Variants in ZCCHC4 observed in about 807,000 individuals in gnomAD.
ZCCHC4 encodes the protein rRNA N(6)-adenosine-methyltransferase ZCCHC4.
A neutral mutation model predicts 67.7 loss-of-function variants in ZCCHC4; 54 were observed. The ratio of observed to expected loss-of-function variants is 0.80; its 90% CI spans 0.64 to 1.00. The LOEUF (loss-of-function observed/expected upper bound fraction) is 1.00, where lower values mean the gene tolerates loss of function less well. Ranked by LOEUF, ZCCHC4 falls within the 50% of genes least tolerant of loss-of-function variation. The pLI is 0.00. For synonymous variants in ZCCHC4, 198 were observed against 213.5 expected (o/e 0.93, Z 0.63); for missense variants, 609 against 617.0 (o/e 0.99, Z 0.14).
At chr4:25,341,338 G>T (rs1315725955) in intron 5 of ZCCHC4, among the ~76,000 whole-genome samples, 2 of 152,162 alleles carry the variant, frequency 1.3e-5, no homozygotes, top group East Asian at 1.9e-4. Flanking sequence ...GAATCATGGG[G>T]TTGATTCCCC....
chr4:25,322,627 C>T (rs993403061), intron 3 of ZCCHC4, among the ~76,000 whole-genome samples: 1 of 152,068 alleles, frequency 6.6e-6, no homozygotes, highest in South Asian at 2.1e-4. Context: ...AAGAGATTCT[C>T]GTGTCTCAGC....
At chr4:25,338,246 A>T (rs917856725) in intron 5 of ZCCHC4, among the ~76,000 whole-genome samples, 4 of 152,134 alleles carry the variant, frequency 2.6e-5, no homozygotes, top group African/African-American at 7.2e-5. Flanking sequence ...GGCGTGTGCC[A>T]CCACACCCAG....
At position 25,369,415 on chromosome 4, in the gene ZCCHC4, A is replaced by G; in HGVS notation, c.*251A>G. 2.2e-6 allele frequency: 1 copy of G among 455,682 alleles called. No homozygotes were observed. 28.2% of individuals were successfully genotyped at this position (455,682 alleles called of 1,614,324 possible). On this transcript the variant is annotated 3_prime_UTR_variant, in exon 13 of 13. Transcript: ENST00000302874. ...TTTTTCCTCACTTTAAGTCTCTCCC[A>G]GTCACATTGTTCTATTTTTATGTTT...
At chr4:25,356,345 T>C (rs1036341451) in intron 8 of ZCCHC4, among the ~76,000 whole-genome samples, 1 of 152,240 alleles carries the variant, frequency 6.6e-6, no homozygotes, top group African/African-American at 2.4e-5. Flanking sequence ...TTTGTGTGGC[T>C]GAAGCTATGA....
chr4:25,369,183 A>T lies in ZCCHC4; in HGVS notation c.*19A>T. 1 of 1,605,050 alleles carries T rather than the reference A, an allele frequency of 6.2e-7. No individual in the cohort carries two copies. Among genetic ancestry groups the T allele is most frequent in the Non-Finnish European group, 8.5e-7 (1 of 1,178,116 alleles). On this transcript the variant is annotated 3_prime_UTR_variant, in exon 13 of 13. Coordinates refer to ENST00000302874, the MANE Select transcript of ZCCHC4 (RefSeq NM_024936.3). ...CTCTTAAATGTCCAGTGACTGGAGA[A>T]TAAGAAAGATTTATGGTCCAACCTT...
intron 8 of ZCCHC4, 64 bp downstream of exon 8, chr4:25,351,753 A>T: frequency 7.5e-7 from 1 of 1,325,568 alleles, no homozygotes; most frequent in Non-Finnish European, 1.1e-6. Flanking sequence ...AATAGATATA[A>T]GACTATTCAT....
chr4:25,345,632 G>A lies in ZCCHC4; in HGVS notation c.759+12G>A, dbSNP rs763563455. The A allele has an allele frequency of 2.6e-6, 4 of 1,520,796 alleles. No individual in the cohort carries two copies. In the Admixed American group the frequency reaches 7.1e-5, roughly 27 times the overall value. 94.2% of individuals were successfully genotyped at this position (1,520,796 alleles called of 1,614,324 possible). On this transcript the variant is annotated intron_variant, in intron 6 of 12. Transcript: ENST00000302874. The stretch of plus-strand genomic sequence containing the variant: ...TCTTTGATGGAAAGGTAAGAGCTGT[G>A]ACCATTATCTCATTGTTCTCTTATT...
In ZCCHC4 at chr4:25,315,712, G is replaced by GT. The variant is rs3067788; in HGVS notation, c.329+329dup. Among the ~76,000 whole-genome samples the GT allele has an allele frequency of 2.2e-3, 285 of 131,952 alleles. 2 individuals carry two copies. The highest frequency in any genetic ancestry group is 4.1e-3 in the East Asian group (19 of 4,664). The allele number at this position is 131,952 out of a possible 152,430, so 86.6% of individuals were successfully genotyped here. The stretch of plus-strand genomic sequence containing the variant: ...AGTAACCTCTGATTTATTTTTGTGT[G>GT]TTTTTTTTTTTTTTTTTGAGACAGG... On this transcript the variant is annotated intron_variant, in intron 3 of 12. Coordinates refer to ENST00000302874, the MANE Select transcript of ZCCHC4 (RefSeq NM_024936.3).
At chr4:25,325,303 C>CTT (rs1450814763) in intron 3 of ZCCHC4, among the ~76,000 whole-genome samples, 17 of 115,008 alleles carry the variant, frequency 1.5e-4, no homozygotes, top group African/African-American at 4.3e-4. Context: ...TTTTCACTCT[C>CTT]TCTTTTTTTT....
Position 25,369,079 on chromosome 4 carries a change from C to A in ZCCHC4, c.1457C>A (p.Thr486Asn), listed in dbSNP as rs1721051848. The stretch of plus-strand genomic sequence containing the variant: ...AAAAGTAATAAGATGAAAATGGAGA[C>A]CACGAAAGGACAATCCATGAATCAT... ...QRKSNKMKMETTKGQSMNHTS... is the reference protein window; with the variant it reads ...QRKSNKMKMENTKGQSMNHTS... The change falls in exon 13 of 13, where the codon ACC (threonine) becomes AAC (asparagine). Residue 486 changes from threonine (T) to asparagine (N), a missense_variant. Physicochemically the swap from Thr to Asn is moderately conservative, Grantham distance 65. Transcript: ENST00000302874. 1.2e-6 allele frequency: 2 copies of A among 1,613,332 alleles called. No homozygotes were observed. The highest frequency in any genetic ancestry group is 2.7e-5 in the African/African-American group (2 of 74,868).
chr4:25,365,333 C>T lies in ZCCHC4; in HGVS notation c.1406+167C>T, dbSNP rs556815697. The T allele has an allele frequency of 4.8e-5, 67 of 1,406,998 alleles. No homozygotes were observed. The Middle Eastern group carries it at 1.0e-3, about 22-fold the overall frequency. The allele number at this position is 1,406,998 out of a possible 1,614,324, so 87.2% of individuals were successfully genotyped here. ...ATGGAGGGAGGAGAGGAAGATGATT[C>T]AAAGAGCTTGCTTTCAAAGAGCTTA... On this transcript the variant is annotated intron_variant, in intron 12 of 12. Coordinates refer to ENST00000302874, the MANE Select transcript of ZCCHC4 (RefSeq NM_024936.3).
At chr4:25,356,283 T>C (rs1050584192) in intron 8 of ZCCHC4, among the ~76,000 whole-genome samples, 2 of 152,224 alleles carry the variant, frequency 1.3e-5, no homozygotes, top group African/African-American at 2.4e-5. Context: ...CTACTAGTGA[T>C]AGGCAATTTG....
At chr4:25,333,597 C>G (rs1560404553) in intron 4 of ZCCHC4, 139 bp downstream of exon 4, 1 of 976,864 alleles carries the variant, frequency 1.0e-6, no homozygotes, top group Non-Finnish European at 1.5e-6. Context: ...CAGTCCCTCT[C>G]TTAAGGAGTT....
In ZCCHC4 at chr4:25,315,338, T is replaced by TCA; in HGVS notation, c.267_268insCA (p.Ala90GlnfsTer24). On this transcript the variant is annotated frameshift_variant, in exon 3 of 13. Coordinates refer to ENST00000302874, the MANE Select transcript of ZCCHC4 (RefSeq NM_024936.3). LOFTEE classifies it high-confidence loss of function. ...TTCAGTTGTCAGGAGCTAGACTTGC[T>TCA]GCCCGAGAAGCTCATAACCGAAGAT... The TCA allele has an allele frequency of 6.2e-7, 1 of 1,613,150 alleles. No homozygotes were observed. Among genetic ancestry groups the TCA allele is most frequent in the Non-Finnish European group, 8.5e-7 (1 of 1,179,436 alleles).
chr4:25,363,612 T>G (rs1219333081), intron 10 of ZCCHC4, among the ~76,000 whole-genome samples: 1 of 152,234 alleles, frequency 6.6e-6, no homozygotes, highest in Non-Finnish European at 1.5e-5. Flanking sequence ...AGCACATTTT[T>G]CTTGATTATA....
chr4:25,350,596 A>T (rs1045572827), intron 7 of ZCCHC4, among the ~76,000 whole-genome samples: 4 of 152,142 alleles, frequency 2.6e-5, no homozygotes, highest in African/African-American at 9.7e-5. Context: ...ATTAGTTGGT[A>T]CATTCATTTT....
At chr4:25,344,089 C>T (rs868738224) in intron 5 of ZCCHC4, among the ~76,000 whole-genome samples, 14 of 151,956 alleles carry the variant, frequency 9.2e-5, no homozygotes, top group African/African-American at 2.4e-4. Context: ...TATGGACAGA[C>T]GGTACAAATA....
At chr4:25,355,437 T>G (rs954751564) in intron 8 of ZCCHC4, among the ~76,000 whole-genome samples, 10 of 152,148 alleles carry the variant, frequency 6.6e-5, no homozygotes, top group Non-Finnish European at 1.5e-4. Flanking sequence ...GTGTCCACCA[T>G]GGGGGTGGGG....
intron 8 of ZCCHC4, among the ~76,000 whole-genome samples, chr4:25,358,909 CTG>C (rs1288544163): frequency 6.6e-6 from 1 of 152,252 alleles, no homozygotes; most frequent in Non-Finnish European, 1.5e-5. Context: ...CATGTTGAAA[CTG>C]TCTACAATTC....
Sources: gnomAD v4.1 joint callset for allele counts (sites outside exome capture counted in the v4.1 genomes callset) on GRCh38, gnomAD v4.1.1 for gene constraint, MANE v1.5 for transcripts, NCBI Gene and HGNC (gene_info 2026-07-23, HGNC 2026-07-21) for gene names.